Variants in RACK1 observed in about 807,000 individuals in gnomAD.
The protein encoded by RACK1 is small ribosomal subunit protein RACK1.
A neutral mutation model predicts 42.2 loss-of-function variants in RACK1; 3 were observed. The ratio of observed to expected loss-of-function variants is 0.07; its 90% CI spans 0.03 to 0.18. The LOEUF (loss-of-function observed/expected upper bound fraction) is 0.18, where lower values mean the gene tolerates loss of function less well. RACK1 is among the 10% of genes least tolerant of loss of function. The pLI is 1.00. For synonymous variants in RACK1, 181 were observed against 154.8 expected (o/e 1.17, Z -1.25); for missense variants, 146 against 403.2 (o/e 0.36, Z 5.46).
rs933955592 is a variant in RACK1, at chr5:181,238,635, TCTA to T, written c.637-399_637-397del. 6.3e-5 allele frequency: 22 copies of T among 348,050 alleles called. 1 individual carries two copies. Among genetic ancestry groups the T allele is most frequent in the South Asian group, 4.5e-4 (20 of 44,370 alleles). The allele number at this position is 348,050 out of a possible 1,614,324, so 21.6% of individuals were successfully genotyped here. ...GCCTGGCCAACATGGTAAAATCCTC[TCTA>T]CTAACATACAAAAATTACCCAGGAG... On this transcript the variant is annotated intron_variant, in intron 5 of 7. Coordinates refer to ENST00000512805, the MANE Select transcript of RACK1 (RefSeq NM_006098.5).
chr5:181,240,033 G>C (rs1000522892), intron 3 of RACK1, among the ~76,000 whole-genome samples: 2 of 150,640 alleles, frequency 1.3e-5, no homozygotes, highest in Non-Finnish European at 3.0e-5. Context: ...CAACGAACAA[G>C]TGAAACTTCA....
intron 3 of RACK1, 66 bp downstream of exon 3, chr5:181,241,426 C>CAA (rs57063983): frequency 9.6e-3 from 10,200 of 1,065,138 alleles, no homozygotes; most frequent in Middle Eastern, 0.01. Context: ...AGACTGTCGC[C>CAA]AAAAAAAAAA....
chr5:181,237,917 T>G, intron 6 of RACK1, 182 bp downstream of exon 6: 1 of 683,302 alleles, frequency 1.5e-6, no homozygotes, highest in Non-Finnish European at 2.5e-6. Context: ...GAAATGCTGC[T>G]AAACATCCTG....
intron 3 of RACK1, among the ~76,000 whole-genome samples, chr5:181,239,904 G>C (rs1269095513): frequency 6.6e-6 from 1 of 152,080 alleles, no homozygotes; most frequent in Non-Finnish European, 1.5e-5. Context: ...AATTAACCAG[G>C]TGTGGCGGCG....
chr5:181,241,356 G>C, intron 3 of RACK1, 136 bp downstream of exon 3: 2 of 729,078 alleles, frequency 2.7e-6, no homozygotes, highest in Non-Finnish European at 4.6e-6. Flanking sequence ...CTTGAGCCCG[G>C]GAGGCAGAGG....
intron 3 of RACK1, 114 bp downstream of exon 3, chr5:181,241,378 C>T (rs546653674): frequency 1.7e-4 from 153 of 918,544 alleles, no homozygotes; most frequent in East Asian, 3.7e-4. Flanking sequence ...TGCAGTGAGC[C>T]GAGACTGCGC....
intron 3 of RACK1, chr5:181,241,178 C>G (rs560245162): frequency 4.4e-6 from 1 of 226,116 alleles, no homozygotes; most frequent in Admixed American, 5.2e-5. Flanking sequence ...CCTGTAATCC[C>G]AACACTTTGG....
At chr5:181,238,312 G>T in intron 5 of RACK1, 73 bp from the exon 6 acceptor site, 2 of 1,502,256 alleles carry the variant, frequency 1.3e-6, no homozygotes, top group Non-Finnish European at 1.8e-6. Flanking sequence ...TCAAGATTCT[G>T]TCAGAATCAA....
intron 5 of RACK1, 198 bp from the exon 6 acceptor site, chr5:181,238,437 A>AT (rs1344492163): frequency 1.8e-6 from 1 of 546,058 alleles, no homozygotes; most frequent in Non-Finnish European, 3.2e-6. Context: ...CCATCAAAAA[A>AT]CCCCTCCCAA....
intron 1 of RACK1, chr5:181,243,421 CA>C (rs764443633): frequency 6.8e-5 from 101 of 1,493,564 alleles, no homozygotes; most frequent in Non-Finnish European, 8.9e-5. Flanking sequence ...AAGGAGAAGG[CA>C]AAAGATATTT....
chr5:181,239,731 A>T (rs1759269020), intron 3 of RACK1, 149 bp from the exon 4 acceptor site: 1 of 568,762 alleles, frequency 1.8e-6, no homozygotes, highest in Non-Finnish European at 3.2e-6. Flanking sequence ...ATCCCTTTAG[A>T]TTCCAGACAA....
At position 181,243,883 on chromosome 5, in the gene RACK1, C is replaced by G; in HGVS notation, c.-83G>C. 2.7e-6 allele frequency: 4 copies of G among 1,488,560 alleles called. No individual in the cohort carries two copies. Among genetic ancestry groups the G allele is most frequent in the Non-Finnish European group, 2.7e-6 (3 of 1,115,564 alleles). The allele number at this position is 1,488,560 out of a possible 1,614,324, so 92.2% of individuals were successfully genotyped here. On this transcript the variant is annotated 5_prime_UTR_variant, in exon 1 of 8. Transcript: ENST00000512805. ...GAAACTAGCACCACAACCTCTCCTG[C>G]CGCCGCCTTGCAGTGAAAGAGAGAG... is the stretch of plus-strand genomic sequence containing the variant.
At chr5:181,239,443 G>T in intron 4 of RACK1, 44 bp downstream of exon 4, 3 of 1,388,794 alleles carry the variant, frequency 2.2e-6, no homozygotes, top group South Asian at 1.2e-5. Context: ...CCACCTGGGA[G>T]CACACCCTGA....
chr5:181,237,418 A>G, intron 7 of RACK1, 191 bp downstream of exon 7: 1 of 682,098 alleles, frequency 1.5e-6, no homozygotes, highest in Admixed American at 2.1e-5. Flanking sequence ...TGCGTTCCAC[A>G]TCAGTCTTCC....
intron 1 of RACK1, chr5:181,242,874 T>TAA (rs1159856268): frequency 6.1e-6 from 2 of 327,358 alleles, no homozygotes; most frequent in Admixed American, 4.7e-5. Context: ...CCTGAGAACT[T>TAA]AATTTAGGTG....
intron 2 of RACK1, 81 bp downstream of exon 2, chr5:181,242,093 T>A: frequency 3.9e-6 from 5 of 1,295,584 alleles, no homozygotes; most frequent in Non-Finnish European, 5.5e-6. Flanking sequence ...GGATCTCCCC[T>A]GGGAAACCAG....
At chr5:181,239,243 A>G in intron 4 of RACK1, 66 bp from the exon 5 acceptor site, 1 of 1,088,396 alleles carries the variant, frequency 9.2e-7, no homozygotes, top group South Asian at 1.2e-5. Context: ...AGGCCCAACA[A>G]AAAAGGGCTT....
chr5:181,238,365 A>G, intron 5 of RACK1, 126 bp from the exon 6 acceptor site: 1 of 944,596 alleles, frequency 1.1e-6, no homozygotes, highest in Admixed American at 2.2e-5. Flanking sequence ...TTGAAAGCTA[A>G]TGACTCAAGT....
intron 2 of RACK1, 175 bp from the exon 3 acceptor site, chr5:181,241,814 A>C: frequency 1.2e-6 from 1 of 812,092 alleles, no homozygotes; most frequent in Non-Finnish European, 2.2e-6. Context: ...AGTGACAGAG[A>C]ATCCCTTCAG....
Sources: gnomAD v4.1 joint callset for allele counts (sites outside exome capture counted in the v4.1 genomes callset) on GRCh38, gnomAD v4.1.1 for gene constraint, MANE v1.5 for transcripts, NCBI Gene and HGNC (gene_info 2026-07-23, HGNC 2026-07-21) for gene names.